CHRM3: variants seen among roughly 807,000 people sequenced by gnomAD.
CHRM3 encodes muscarinic acetylcholine receptor M3.
CHRM3 carries 11 observed loss-of-function variants against 41.8 expected under a neutral mutation model. That is an observed-to-expected ratio of 0.26 (90% CI 0.17 to 0.44). CHRM3 has a LOEUF of 0.44. Ranked by LOEUF, CHRM3 falls within the 20% of genes least tolerant of loss-of-function variation. The pLI is 1.00. For missense variants in CHRM3, 571 were observed against 745.4 expected (o/e 0.77, Z 2.72); for synonymous variants, 297 against 301.4 (o/e 0.99, Z 0.15).
chr1:239,813,081 C>T (rs918341898), intron 5 of CHRM3, among the ~76,000 whole-genome samples: 2 of 152,126 alleles, frequency 1.3e-5, no homozygotes, highest in Non-Finnish European at 2.9e-5. Context: ...AGTTTGAGAC[C>T]AGCCTGGCCA....
chr1:239,481,813 G>A (rs1366870554), intron 1 of CHRM3, among the ~76,000 whole-genome samples: 2 of 152,140 alleles, frequency 1.3e-5, no homozygotes, highest in African/African-American at 4.8e-5. Context: ...TGGAGAGGGA[G>A]AAAAGTACAG....
chr1:239,735,662 G>A (rs929410397), intron 5 of CHRM3, among the ~76,000 whole-genome samples: 4 of 152,110 alleles, frequency 2.6e-5, no homozygotes, highest in African/African-American at 7.2e-5. Flanking sequence ...ACCATCTGTA[G>A]TATGTTATTT....
intron 6 of CHRM3, among the ~76,000 whole-genome samples, chr1:239,878,462 G>A (rs183369450): frequency 6.6e-6 from 1 of 152,200 alleles, no homozygotes; most frequent in Admixed American, 6.5e-5. Flanking sequence ...AAATACCGAT[G>A]AGGCTTCGCT....
intron 1 of CHRM3, among the ~76,000 whole-genome samples, chr1:239,487,459 C>G (rs2148038449): frequency 6.6e-6 from 1 of 152,092 alleles, no homozygotes; most frequent in Non-Finnish European, 1.5e-5. Flanking sequence ...GGGAGAAAAG[C>G]CTCCATGTAC....
At chr1:239,895,625 G>A (rs1253525963) in intron 6 of CHRM3, among the ~76,000 whole-genome samples, 3 of 152,108 alleles carry the variant, frequency 2.0e-5, no homozygotes, top group Non-Finnish European at 2.9e-5. Flanking sequence ...ATACACTGTG[G>A]AATACTATGC....
chr1:239,613,417 A>G (rs540505164), intron 3 of CHRM3, among the ~76,000 whole-genome samples: 1 of 152,370 alleles, frequency 6.6e-6, no homozygotes, highest in African/African-American at 2.4e-5. Flanking sequence ...CTATATGCAT[A>G]TTTAAATATA....
chr1:239,842,007 T>C (rs1032417848), intron 6 of CHRM3, among the ~76,000 whole-genome samples: 3 of 152,126 alleles, frequency 2.0e-5, no homozygotes, highest in African/African-American at 7.2e-5. Context: ...CCTGAATAAT[T>C]TGAAAATCTG....
chr1:239,812,853 A>G (rs569745686), intron 5 of CHRM3, among the ~76,000 whole-genome samples: 104 of 152,366 alleles, frequency 6.8e-4, no homozygotes, highest in Middle Eastern at 3.4e-3. Flanking sequence ...CCAAGGTCAC[A>G]TAGGTGGGAA....
chr1:239,402,592 C>T (rs1660072676), intron 1 of CHRM3, among the ~76,000 whole-genome samples: 1 of 152,164 alleles, frequency 6.6e-6, no homozygotes, highest in Admixed American at 6.5e-5. Context: ...ACTCCATTGT[C>T]CTTCCTCTAG....
At chr1:239,905,566 C>T (rs991038676) in intron 6 of CHRM3, among the ~76,000 whole-genome samples, 6 of 152,000 alleles carry the variant, frequency 3.9e-5, no homozygotes, top group African/African-American at 1.5e-4. Context: ...ATTAGCCAGG[C>T]AAGGTGACAC....
rs58433814 is a variant in CHRM3, at chr1:239,531,639, A to ATTTT, written c.-421-13968_-421-13965dup. 1.9e-3 allele frequency among the ~76,000 whole-genome samples: 108 copies of ATTTT among 55,898 alleles called. 32 individuals carry two copies. The highest frequency in any genetic ancestry group is 2.4e-3 in the African/African-American group (27 of 11,328). 36.7% of individuals were successfully genotyped at this position (55,898 alleles called of 152,430 possible). On this transcript the variant is annotated intron_variant, in intron 2 of 6. Transcript: ENST00000676153. ...ATAAAAACTAATCTCTCTAGAATGG[A>ATTTT]TTTTTTTTTTTTTTTTTTTTTTTTT...
chr1:239,904,342 C>G (rs1348167782), intron 6 of CHRM3, among the ~76,000 whole-genome samples: 5 of 152,182 alleles, frequency 3.3e-5, no homozygotes, highest in Non-Finnish European at 7.3e-5. Context: ...GGGCCGAGAG[C>G]ATTTAAGAGG....
chr1:239,887,224 CAG>C (rs999851576), intron 6 of CHRM3, among the ~76,000 whole-genome samples: 2 of 151,526 alleles, frequency 1.3e-5, no homozygotes, highest in African/African-American at 4.9e-5. Context: ...CGGGGGTATA[CAG>C]AGTCTCACTC....
intron 2 of CHRM3, among the ~76,000 whole-genome samples, chr1:239,528,168 A>G (rs1367104509): frequency 6.6e-6 from 1 of 152,196 alleles, no homozygotes; most frequent in Non-Finnish European, 1.5e-5. Context: ...TGCAGAGATG[A>G]TGGCAAGTCA....
At chr1:239,857,243 A>G (rs1675194433) in intron 6 of CHRM3, among the ~76,000 whole-genome samples, 3 of 152,290 alleles carry the variant, frequency 2.0e-5, no homozygotes, top group African/African-American at 4.8e-5. Flanking sequence ...ACCGATCTCA[A>G]TATTTATAAG....
chr1:239,637,188 C>T (rs1670550731), intron 4 of CHRM3, among the ~76,000 whole-genome samples: 1 of 151,930 alleles, frequency 6.6e-6, no homozygotes, highest in Non-Finnish European at 1.5e-5. Flanking sequence ...GATCAATGGT[C>T]TTATCAAAGT....
chr1:239,633,606 C>T (rs1404040708), intron 4 of CHRM3, among the ~76,000 whole-genome samples: 2 of 152,198 alleles, frequency 1.3e-5, no homozygotes, highest in African/African-American at 4.8e-5. Flanking sequence ...GACCCAGCTA[C>T]AGCCAATGAG....
At chr1:239,860,028 C>A (rs1406840003) in intron 6 of CHRM3, among the ~76,000 whole-genome samples, 9 of 151,996 alleles carry the variant, frequency 5.9e-5, no homozygotes. Context: ...GCCCAGAGAA[C>A]CCGACAGTCG....
chr1:239,713,950 A>G (rs1168382049), intron 5 of CHRM3, among the ~76,000 whole-genome samples: 1 of 152,172 alleles, frequency 6.6e-6, no homozygotes, highest in African/African-American at 2.4e-5. Context: ...TAAACCAGAC[A>G]TGATGTTAAT....
Sources: allele counts gnomAD v4.1 joint callset (sites outside exome capture counted in the v4.1 genomes callset), GRCh38; gene constraint gnomAD v4.1.1; transcripts MANE v1.5; gene names NCBI Gene and HGNC (gene_info 2026-07-23, HGNC 2026-07-21).